Variants in FREM2 observed in about 807,000 individuals in gnomAD.
The protein encoded by FREM2 is FRAS1-related extracellular matrix protein 2.
FREM2 carries 119 observed loss-of-function variants against 219.9 expected under a neutral mutation model. The observed-to-expected ratio is 0.54, with a 90% CI of 0.47 to 0.63. The LOEUF (loss-of-function observed/expected upper bound fraction) is 0.63. Ranked by LOEUF, FREM2 falls within the 30% of genes least tolerant of loss-of-function variation. The pLI is 0.00. For synonymous variants in FREM2, 1,562 were observed against 1,522.8 expected, an observed-to-expected ratio of 1.03 and a Z score of -0.60; for missense variants, 4,030 against 3,993.6, an observed-to-expected ratio of 1.01 and a Z score of -0.25.
At position 38,883,437 on chromosome 13, in the gene FREM2, G is replaced by C. The variant is rs1878620484; in HGVS notation, c.*2650G>C. 1 of 152,080 alleles carries C rather than the reference G, an allele frequency of 6.6e-6. No homozygotes were observed. Among genetic ancestry groups the C allele is most frequent in the African/African-American group, 2.4e-5 (1 of 41,410 alleles). 9.4% of individuals were successfully genotyped at this position (152,080 alleles called of 1,614,324 possible). On this transcript the variant is annotated 3_prime_UTR_variant, in exon 24 of 24. Transcript: ENST00000280481. The stretch of plus-strand genomic sequence containing the variant: ...AGGATATAGCAATAATAGCTCCTTA[G>C]ATACTCAGTGGCTTCTGACTCCAAT...
chr13:38,853,908 T>C (rs1877466519), intron 11 of FREM2, among the ~76,000 whole-genome samples: 1 of 152,144 alleles, frequency 6.6e-6, no homozygotes, highest in Non-Finnish European at 1.5e-5. Context: ...ATGATTCCTT[T>C]TGCTAAACGG....
chr13:38,764,405 G>A lies in FREM2; in HGVS notation c.5365G>A (p.Val1789Ile), dbSNP rs1459682530. ...LVNEDSKFLD[V>I]VLKRRGYLGE... The stretch of plus-strand genomic sequence containing the variant: ...CAATGAGGACTCCAAATTTCTAGAT[G>A]TTGTTCTTAAACGTAGAGGTTACTT... The change falls in exon 3 of 24, where the codon GTT becomes ATT. Residue 1789 changes from valine to isoleucine, a missense_variant. Coordinates refer to ENST00000280481, the MANE Select transcript of FREM2 (RefSeq NM_207361.6). 6.3e-7 allele frequency: 1 copy of A among 1,598,212 alleles called. No homozygotes were observed. Among genetic ancestry groups the A allele is most frequent in the African/African-American group, 1.3e-5 (1 of 74,738 alleles).
chr13:38,883,825 C>T lies in FREM2; in HGVS notation c.*3038C>T, dbSNP rs1368714307. 2 of 152,178 alleles carry T rather than the reference C, an allele frequency of 1.3e-5. No homozygotes were observed. The highest frequency in any genetic ancestry group is 2.9e-5 in the Non-Finnish European group (2 of 68,022). The allele number at this position is 152,178 out of a possible 1,614,324, so 9.4% of individuals were successfully genotyped here. On this transcript the variant is annotated 3_prime_UTR_variant, in exon 24 of 24. Coordinates refer to ENST00000280481, the MANE Select transcript of FREM2 (RefSeq NM_207361.6). Reference sequence around the variant, plus strand: ...TCTAGAATAACAACAGCAGACTCCACTCTTGTTTGTCTAAAAGAGCCCTAC... The same window carrying T: ...TCTAGAATAACAACAGCAGACTCCATTCTTGTTTGTCTAAAAGAGCCCTAC...
At chr13:38,726,635 G>T (rs1871537020) in intron 2 of FREM2, among the ~76,000 whole-genome samples, 1 of 152,144 alleles carries the variant, frequency 6.6e-6, no homozygotes, top group African/African-American at 2.4e-5. Flanking sequence ...TTGGAAAAAT[G>T]TTGAAAAGTG....
At chr13:38,787,547 G>A (rs1185964166) in intron 6 of FREM2, among the ~76,000 whole-genome samples, 2 of 151,964 alleles carry the variant, frequency 1.3e-5, no homozygotes, top group Non-Finnish European at 2.9e-5. Context: ...GCCATCGTCA[G>A]GAAGATAGAT....
At chr13:38,872,960 C>T in intron 17 of FREM2, 26 bp downstream of exon 17, 1 of 1,606,626 alleles carries the variant, frequency 6.2e-7, no homozygotes, top group Non-Finnish European at 8.5e-7. Context: ...TTGGAAAATT[C>T]TATAGTTTTG....
chr13:38,732,704 T>G (rs1187882185), intron 2 of FREM2, among the ~76,000 whole-genome samples: 1 of 152,174 alleles, frequency 6.6e-6, no homozygotes, highest in Non-Finnish European at 1.5e-5. Flanking sequence ...AAGATGAAGT[T>G]CTCAAAGAAA....
Position 38,831,026 on chromosome 13 carries a change from A to C in FREM2, c.6020-15547A>C, listed in dbSNP as rs541683700. 2.4e-4 allele frequency among the ~76,000 whole-genome samples: 36 copies of C among 152,276 alleles called. 1 individual carries two copies. Among genetic ancestry groups the C allele is most frequent in the South Asian group, 1.0e-3 (5 of 4,826 alleles). On this transcript the variant is annotated intron_variant, in intron 6 of 23. Coordinates refer to ENST00000280481, the MANE Select transcript of FREM2 (RefSeq NM_207361.6). ...GTTTTAAAACCCCTCGGGTACTTGC[A>C]GTATAGATCTGTGACCACCTTTGGG...
rs1878740448 is a variant in FREM2 at position 38,886,586 on chromosome 13, C to A, written c.*5799C>A. 1 of 152,094 alleles carries A rather than the reference C, an allele frequency of 6.6e-6. No individual in the cohort carries two copies. The highest frequency in any genetic ancestry group is 2.4e-5 in the African/African-American group (1 of 41,424). The allele number at this position is 152,094 out of a possible 1,614,324, so 9.4% of individuals were successfully genotyped here. On this transcript the variant is annotated 3_prime_UTR_variant, in exon 24 of 24. Coordinates refer to ENST00000280481, the MANE Select transcript of FREM2 (RefSeq NM_207361.6). ...CTAGTTTTTGTATTTTTAGTAGAGA[C>A]AGGGTTTCTCCATGTTGGTCAGGCT... is the stretch of plus-strand genomic sequence containing the variant.
intron 2 of FREM2, among the ~76,000 whole-genome samples, chr13:38,709,232 G>C (rs546650447): frequency 1.2e-4 from 19 of 152,236 alleles, no homozygotes; most frequent in Non-Finnish European, 1.8e-4. Context: ...CTCTGCATGA[G>C]ATTCAGTAGA....
intron 2 of FREM2, among the ~76,000 whole-genome samples, chr13:38,729,616 A>T (rs1043993422): frequency 8.5e-5 from 13 of 152,196 alleles, no homozygotes; most frequent in African/African-American, 3.1e-4. Context: ...ACTTCTTTAA[A>T]GACATGATAT....
At chr13:38,763,655 C>T (rs1873324585) in intron 2 of FREM2, among the ~76,000 whole-genome samples, 1 of 151,860 alleles carries the variant, frequency 6.6e-6, no homozygotes, top group African/African-American at 2.4e-5. Context: ...TTAGAGAGAT[C>T]ACACACAAGG....
intron 11 of FREM2, among the ~76,000 whole-genome samples, chr13:38,853,054 G>A (rs1405992471): frequency 2.0e-5 from 3 of 151,974 alleles, no homozygotes; most frequent in Non-Finnish European, 1.5e-5. Context: ...CTGGCCGGGT[G>A]CGTTGGCTCA....
chr13:38,880,430 G>T lies in FREM2; in HGVS notation c.9153G>T (p.Lys3051Asn). The T allele has an allele frequency of 6.2e-7, 1 of 1,614,146 alleles. No individual in the cohort carries two copies. Among genetic ancestry groups the T allele is most frequent in the South Asian group, 1.1e-5 (1 of 91,064 alleles). Residue 3051 changes from lysine (K) to asparagine (N), a missense_variant, in exon 24 of 24, where the codon AAG becomes AAT. Lys to Asn is a moderately conservative substitution (Grantham distance 94, BLOSUM62 0). Coordinates refer to ENST00000280481, the MANE Select transcript of FREM2 (RefSeq NM_207361.6). ...GKPQSTTKSR[K>N]KREIRSTPSL... ...CCCAATCCACCACCAAGAGCCGGAAGAAGAGAGAGATCAGGAGCACACCCT... is the reference window on the plus strand; with the variant it reads ...CCCAATCCACCACCAAGAGCCGGAATAAGAGAGAGATCAGGAGCACACCCT...
In FREM2 at chr13:38,784,770, CA is replaced by C. The variant is rs746915794; in HGVS notation, c.5982del (p.Ala1996LeufsTer50). The C allele has an allele frequency of 6.2e-7, 1 of 1,614,026 alleles. No homozygotes were observed. The highest frequency in any genetic ancestry group is 1.3e-5 in the African/African-American group (1 of 74,920). ...GGGGGAAGAATCGGATCAGAGTTCC[CA>C]GGGGCTCAAGTTACAATCGTTCCTG... ...PMGGRIGSEF[P>X]GAQVTIVPDK... is the part of the protein sequence containing the mutation. On this transcript the variant is annotated frameshift_variant, in exon 6 of 24. Transcript: ENST00000280481. LOFTEE classifies it high-confidence loss of function.
intron 4 of FREM2, among the ~76,000 whole-genome samples, chr13:38,777,510 C>A (rs541728911): frequency 4.6e-5 from 7 of 152,222 alleles, no homozygotes; most frequent in Admixed American, 3.9e-4. Context: ...ACGTGTGCCT[C>A]AGAGGTAAAG....
chr13:38,701,339 A>G (rs897675927), intron 2 of FREM2, among the ~76,000 whole-genome samples: 8 of 152,056 alleles, frequency 5.3e-5, no homozygotes, highest in South Asian at 2.1e-4. Flanking sequence ...GCTCGTGTAT[A>G]TATGTAGCAA....
In FREM2 at chr13:38,818,880, A is replaced by G. The variant is rs114112302; in HGVS notation, c.6020-27693A>G. 8.8e-3 allele frequency among the ~76,000 whole-genome samples: 1,339 copies of G among 152,104 alleles called. 24 individuals are homozygous for G. Among genetic ancestry groups the G allele is most frequent in the African/African-American group, 0.031 (1,278 of 41,490 alleles). Reference sequence around the variant, plus strand: ...ACACTCTAGTCTGGGCAACAGAGCAAGCCTCCGTCTCAAAAAAAAAATGCT... The same window carrying G: ...ACACTCTAGTCTGGGCAACAGAGCAGGCCTCCGTCTCAAAAAAAAAATGCT... On this transcript the variant is annotated intron_variant, in intron 6 of 23. Transcript: ENST00000280481.
chr13:38,868,679 T>G (rs906644907), intron 16 of FREM2, among the ~76,000 whole-genome samples: 7 of 152,194 alleles, frequency 4.6e-5, no homozygotes, highest in Non-Finnish European at 8.8e-5. Flanking sequence ...CAAATCCATG[T>G]CCTAACAACA....
Sources: allele counts gnomAD v4.1 joint callset (sites outside exome capture counted in the v4.1 genomes callset), GRCh38; gene constraint gnomAD v4.1.1; transcripts MANE v1.5; gene names NCBI Gene and HGNC (gene_info 2026-07-23, HGNC 2026-07-21).